Variants in PVT1 observed in about 807,000 individuals in gnomAD.
PVT1 encodes Pvt1 oncogene, also known as CXCR4/PVT1 fusion.
At chr8:127,883,933 A>G (rs1360864058) in intron 2 of PVT1, among the ~76,000 whole-genome samples, 1 of 152,250 alleles carries the variant, frequency 6.6e-6, no homozygotes, top group African/African-American at 2.4e-5. Context: ...CCAGGCCTTG[A>G]AGGGGTGTTC....
intron 2 of PVT1, among the ~76,000 whole-genome samples, chr8:127,871,138 A>G (rs765448107): frequency 3.3e-5 from 5 of 152,208 alleles, no homozygotes; most frequent in Non-Finnish European, 7.3e-5. Flanking sequence ...GAGCAAATCT[A>G]AAACACGCAA....
chr8:128,008,848 T>C (rs774953569), intron 4 of PVT1: 5 of 469,832 alleles, frequency 1.1e-5, no homozygotes, highest in South Asian at 7.7e-5. Flanking sequence ...CACAGCCAGG[T>C]CCATCTAGGA....
intron 4 of PVT1, among the ~76,000 whole-genome samples, chr8:127,994,636 A>C (rs1817083871): frequency 6.6e-6 from 1 of 152,212 alleles, no homozygotes; most frequent in Admixed American, 6.5e-5. Context: ...ATTTATTATA[A>C]GGTATTGGCT....
chr8:127,998,555 CTCTT>C (rs1308346225), intron 4 of PVT1, among the ~76,000 whole-genome samples: 3 of 148,858 alleles, frequency 2.0e-5, no homozygotes, highest in South Asian at 2.1e-4. Flanking sequence ...CTCTCTCTCT[CTCTT>C]CCTTCCTTCC....
At chr8:128,095,475 A>C (rs757464396) in intron 5 of PVT1, among the ~76,000 whole-genome samples, 1 of 152,230 alleles carries the variant, frequency 6.6e-6, no homozygotes, top group African/African-American at 2.4e-5. Flanking sequence ...ATAGAATCTC[A>C]TTAAGTGGTC....
At chr8:127,962,890 C>T (rs1180330361) in intron 3 of PVT1, among the ~76,000 whole-genome samples, 1 of 152,208 alleles carries the variant, frequency 6.6e-6, no homozygotes, top group East Asian at 1.9e-4. Context: ...GCCTCCATGC[C>T]TGGCCTCATC....
chr8:127,984,484 G>C (rs962796123), intron 3 of PVT1, among the ~76,000 whole-genome samples: 1 of 152,170 alleles, frequency 6.6e-6, no homozygotes, highest in Non-Finnish European at 1.5e-5. Context: ...ACAACAATTA[G>C]ACCCTGAGAA....
At chr8:127,858,805 C>CTT (rs35886687) in intron 2 of PVT1, among the ~76,000 whole-genome samples, 1,907 of 47,264 alleles carry the variant, frequency 0.04, 601 homozygotes, top group Middle Eastern at 0.074. Context: ...CTTGAAGATT[C>CTT]TTTTTTTTTT....
chr8:127,926,064 G>T (rs1440680741), intron 3 of PVT1, among the ~76,000 whole-genome samples: 5 of 152,128 alleles, frequency 3.3e-5, no homozygotes, highest in Non-Finnish European at 7.3e-5. Flanking sequence ...GGGACTCTCT[G>T]CAGTCCTGTT....
intron 4 of PVT1, among the ~76,000 whole-genome samples, chr8:128,002,652 T>C (rs944438314): frequency 3.9e-5 from 6 of 152,150 alleles, no homozygotes; most frequent in African/African-American, 1.4e-4. Context: ...TCCTCCTGTG[T>C]CCTCTCCTGT....
Position 127,869,787 on chromosome 8 carries a change from T to A in PVT1, n.373-20802T>A, listed in dbSNP as rs181882988. On this transcript the variant is annotated intron_variant and non_coding_transcript_variant, in intron 2 of 10. Transcript: ENST00000651587. ...GTATGAACTTCAGAACATGGCATTATTTGGACATAGGGTTTTTGTTTTTGT... is the reference window on the plus strand; with the variant it reads ...GTATGAACTTCAGAACATGGCATTAATTGGACATAGGGTTTTTGTTTTTGT... 5.0e-3 allele frequency among the ~76,000 whole-genome samples: 762 copies of A among 152,280 alleles called. 6 individuals carry two copies. The highest frequency in any genetic ancestry group is 0.018 in the African/African-American group (732 of 41,554).
chr8:127,843,757 T>G (rs1424576903), intron 2 of PVT1, among the ~76,000 whole-genome samples: 1 of 151,892 alleles, frequency 6.6e-6, no homozygotes, highest in Non-Finnish European at 1.5e-5. Context: ...TTTGGCTGTT[T>G]TTTTAATAGG....
At chr8:127,851,919 T>C (rs921812259) in intron 2 of PVT1, 2 of 152,338 alleles carry the variant, frequency 1.3e-5, no homozygotes, top group Non-Finnish European at 2.9e-5. Context: ...ACAGTCTCTG[T>C]TCTTGCCTTC....
chr8:128,053,337 ATC>A (rs1410649615), intron 4 of PVT1, among the ~76,000 whole-genome samples: 3 of 151,676 alleles, frequency 2.0e-5, no homozygotes, highest in Non-Finnish European at 4.4e-5. Flanking sequence ...AGACAGTGTC[ATC>A]TGCCATCTTG....
At chr8:127,900,985 C>T (rs1373610463) in intron 3 of PVT1, among the ~76,000 whole-genome samples, 5 of 152,176 alleles carry the variant, frequency 3.3e-5, no homozygotes, top group Admixed American at 3.3e-4. Flanking sequence ...AGGGCAGGTC[C>T]AGAGTCTGGG....
chr8:127,859,149 G>C (rs1815193473), intron 2 of PVT1, among the ~76,000 whole-genome samples: 1 of 152,030 alleles, frequency 6.6e-6, no homozygotes, highest in South Asian at 2.1e-4. Context: ...GAGATAAATT[G>C]AGTATTTTCT....
At chr8:127,997,346 C>T (rs985133651) in intron 4 of PVT1, among the ~76,000 whole-genome samples, 3 of 151,976 alleles carry the variant, frequency 2.0e-5, no homozygotes, top group Admixed American at 6.6e-5. Flanking sequence ...TGGCCGCTTC[C>T]GGTCTTTGGA....
chr8:127,836,431 G>C (rs756476666), intron 2 of PVT1, among the ~76,000 whole-genome samples: 2 of 152,128 alleles, frequency 1.3e-5, no homozygotes, highest in Non-Finnish European at 2.9e-5. Context: ...GCATGCATTA[G>C]CTATTTTTTC....
intron 2 of PVT1, among the ~76,000 whole-genome samples, chr8:127,851,227 C>T (rs1380592697): frequency 6.6e-6 from 1 of 152,122 alleles, no homozygotes. Flanking sequence ...GTCACATGGC[C>T]TGCTCTATAA....
Sources: allele counts gnomAD v4.1 joint callset (sites outside exome capture counted in the v4.1 genomes callset), GRCh38; gene constraint gnomAD v4.1.1; transcripts MANE v1.5; gene names NCBI Gene and HGNC (gene_info 2026-07-23, HGNC 2026-07-21).